The following C5 variants were observed in gnomAD, a reference collection of about 807,000 sequenced individuals.
C5 encodes complement C5.
In C5, 140 loss-of-function variants were observed where a neutral mutation model predicts 218.8. The observed-to-expected ratio is 0.64, with a 90% CI of 0.56 to 0.74. The LOEUF is 0.74. C5 is among the 30% of genes least tolerant of loss of function. The pLI is 0.00. For missense variants in C5, 1,700 were observed against 1,969.6 expected, an observed-to-expected ratio of 0.86 and a Z score of 2.59; for synonymous variants, 614 against 682.3, an observed-to-expected ratio of 0.90 and a Z score of 1.56.
intron 5 of C5, among the ~76,000 whole-genome samples, chr9:121,033,583 A>C (rs936547551): frequency 6.6e-6 from 1 of 152,270 alleles, no homozygotes; most frequent in Non-Finnish European, 1.5e-5. Flanking sequence ...CAAGTGGCAC[A>C]AGATGAAGTT....
rs571708973 is a variant in C5, at chr9:121,039,719, G to C, written c.422-1768C>G. ...GCTGGAGTGCAGTGGCGCAATCTCG[G>C]TTCACTGCAAACTCCACCTCCTGGG... On this transcript the variant is annotated intron_variant, in intron 3 of 40. Coordinates refer to ENST00000223642, the MANE Select transcript of C5 (RefSeq NM_001735.3). Among the ~76,000 whole-genome samples the C allele has an allele frequency of 1.4e-4, 21 of 152,254 alleles. 1 individual carries two copies. In the South Asian group the frequency reaches 4.1e-3, roughly 30 times the overall value.
Position 120,960,248 on chromosome 9 carries a change from C to T in C5, c.4678G>A (p.Ala1560Thr). Reference sequence around the variant, plus strand: ...AGCTATATTGAACTTTTGAACTCACCATATGCAATCTCTGGTTTACATGCT... The same window carrying T: ...AGCTATATTGAACTTTTGAACTCACTATATGCAATCTCTGGTTTACATGCT... The part of the protein sequence containing the change: ...QTACKPEIAY[A>T]YKVSITSITV... The change falls in exon 38 of 41, where the codon GCT (alanine) becomes ACT (threonine). Residue 1560 changes from alanine to threonine, a missense_variant and splice_region_variant. Coordinates refer to ENST00000223642, the MANE Select transcript of C5 (RefSeq NM_001735.3). 1 of 1,599,974 alleles carries T rather than the reference C, an allele frequency of 6.3e-7. No individual in the cohort carries two copies. Among genetic ancestry groups the T allele is most frequent in the Non-Finnish European group, 8.6e-7 (1 of 1,167,554 alleles).
chr9:121,039,237 C>A lies in C5; in HGVS notation c.422-1286G>T, dbSNP rs755663537. Among the ~76,000 whole-genome samples, 11 of 152,252 alleles carry A rather than the reference C, an allele frequency of 7.2e-5. No individual in the cohort carries two copies. In the East Asian group the frequency reaches 2.1e-3, roughly 29 times the overall value. On this transcript the variant is annotated intron_variant, in intron 3 of 40. Transcript: ENST00000223642. ...TATTTTATTATTATTTCTGTTACTA[C>A]TATTTGGCTAGTTTTTAACCCAGTT...
At chr9:121,071,252 G>A in the C5 span, among the ~76,000 whole-genome samples, 1 of 152,052 alleles carries the variant, frequency 6.6e-6, no homozygotes. Flanking sequence ...CCCTGGAGGT[G>A]GAGGTTGCAG....
intron 20 of C5, among the ~76,000 whole-genome samples, chr9:121,002,081 GATA>G (rs924141203): frequency 6.7e-6 from 1 of 150,244 alleles, no homozygotes; most frequent in African/African-American, 2.4e-5. Flanking sequence ...GGATGTCTCT[GATA>G]ATATTATTGG....
intron 26 of C5, among the ~76,000 whole-genome samples, chr9:120,982,203 G>T (rs2046999507): frequency 6.6e-6 from 1 of 152,154 alleles, no homozygotes; most frequent in Admixed American, 6.5e-5. Flanking sequence ...GTAGAGACGG[G>T]GTTTCACCAT....
intron 38 of C5, 104 bp downstream of exon 38, chr9:120,960,144 G>T: frequency 1.3e-6 from 1 of 756,054 alleles, no homozygotes; most frequent in Non-Finnish European, 2.3e-6. Flanking sequence ...CACATGGAAT[G>T]TTGTATTCAT....
chr9:120,981,121 C>T (rs2046989852), intron 27 of C5, among the ~76,000 whole-genome samples: 1 of 152,266 alleles, frequency 6.6e-6, no homozygotes, highest in African/African-American at 2.4e-5. Context: ...AGCAGAAAGC[C>T]TGCTGCGATG....
At chr9:121,069,330 C>T in the C5 span, among the ~76,000 whole-genome samples, 2 of 151,996 alleles carry the variant, frequency 1.3e-5, no homozygotes, top group Non-Finnish European at 2.9e-5. Context: ...GACAAATAAT[C>T]TGAATAGACA....
Position 120,974,893 on chromosome 9 carries a change from T to C in C5, c.3903A>G (p.Ser1301=), listed in dbSNP as rs1241607188. ...TCAAGCGGAGTTGTTTAACCAGGAG[T>C]GAATATTCCGTCAGGCCCTCAATGG... The part of the protein sequence containing the change: ...INAIEGLTEY[S]LLVKQLRLSM... Residue 1301 remains serine, a synonymous_variant, in exon 30 of 41, where the codon TCA becomes TCG. Coordinates refer to ENST00000223642, the MANE Select transcript of C5 (RefSeq NM_001735.3). The C allele has an allele frequency of 1.9e-6, 3 of 1,614,122 alleles. No individual in the cohort carries two copies. Among genetic ancestry groups the C allele is most frequent in the Non-Finnish European group, 1.7e-6 (2 of 1,180,006 alleles).
At chr9:121,053,709 A>C (rs544179185), upstream of C5, among the ~76,000 whole-genome samples, 1 of 152,282 alleles carries the variant, frequency 6.6e-6, no homozygotes, top group East Asian at 1.9e-4. Flanking sequence ...AGCAGGAAAG[A>C]GAATCCGTGT....
At chr9:120,955,717 CA>C (rs1338896099) in intron 39 of C5, among the ~76,000 whole-genome samples, 5 of 151,792 alleles carry the variant, frequency 3.3e-5, no homozygotes, top group Admixed American at 2.0e-4. Context: ...AAAAAATTAT[CA>C]AAGTGTTGAT....
rs112163914 is a variant in C5 at position 121,006,818 on chromosome 9, G to C, written c.2422+86C>G. 4.1e-6 allele frequency: 4 copies of C among 983,512 alleles called. No individual in the cohort carries two copies. The South Asian group carries it at 5.3e-5, about 13-fold the overall frequency. 60.9% of individuals were successfully genotyped at this position (983,512 alleles called of 1,614,324 possible). A position where few individuals can be genotyped will look rare whatever the true frequency, so the allele number is the denominator to read the frequency against. ...TAAAAATTGCTACCATTTAAGTCCT[G>C]GGTAAACTAAATAGATACTAACAAA... On this transcript the variant is annotated intron_variant, in intron 19 of 40. Coordinates refer to ENST00000223642, the MANE Select transcript of C5 (RefSeq NM_001735.3).
intron 25 of C5, 66 bp downstream of exon 25, chr9:120,988,980 T>C (rs2047054874): frequency 1.7e-6 from 2 of 1,169,168 alleles, no homozygotes; most frequent in Non-Finnish European, 1.3e-6. Flanking sequence ...GGAGTTTCCA[T>C]TATGGTTATT....
chr9:121,011,337 AAAG>A (rs1315929254), intron 17 of C5, among the ~76,000 whole-genome samples: 1 of 152,232 alleles, frequency 6.6e-6, no homozygotes, highest in Non-Finnish European at 1.5e-5. Context: ...ACATTTCTCT[AAAG>A]AAGACATACA....
intron 21 of C5, among the ~76,000 whole-genome samples, 166 bp from the exon 22 acceptor site, chr9:120,996,466 T>C (rs925661495): frequency 6.6e-6 from 1 of 152,270 alleles, no homozygotes; most frequent in African/African-American, 2.4e-5. Flanking sequence ...TAAGATTTTA[T>C]GGCTATTTGC....
At chr9:120,983,342 C>A (rs2047009049) in intron 25 of C5, among the ~76,000 whole-genome samples, 1 of 151,978 alleles carries the variant, frequency 6.6e-6, no homozygotes, top group Non-Finnish European at 1.5e-5. Flanking sequence ...ATTACTTAGT[C>A]AAAAAGCAAT....
chr9:121,038,221 A>G (rs2047546651), intron 3 of C5, among the ~76,000 whole-genome samples: 1 of 152,208 alleles, frequency 6.6e-6, no homozygotes, highest in Non-Finnish European at 1.5e-5. Flanking sequence ...TTTACCTACA[A>G]TGTTTTGAGA....
At chr9:120,958,511 T>C (rs907448195) in intron 38 of C5, among the ~76,000 whole-genome samples, 2 of 151,796 alleles carry the variant, frequency 1.3e-5, no homozygotes, top group Admixed American at 6.6e-5. Flanking sequence ...TATTCTCAAG[T>C]CTTCATGTAT....
Sources: allele counts gnomAD v4.1 joint callset (sites outside exome capture counted in the v4.1 genomes callset), GRCh38; gene constraint gnomAD v4.1.1; transcripts MANE v1.5; gene names NCBI Gene and HGNC (gene_info 2026-07-23, HGNC 2026-07-21).